The following FOXN3 variants were observed in gnomAD, a reference collection of about 807,000 sequenced individuals.
FOXN3 encodes forkhead box protein N3.
Under a neutral mutation model 38.4 loss-of-function variants are expected in FOXN3, and 7 were observed. That is an observed-to-expected ratio of 0.18 (90% CI 0.10 to 0.34). FOXN3 has a LOEUF of 0.34. Among genes scored for constraint, FOXN3 ranks in the 10% least tolerant of loss-of-function variants. The probability of loss-of-function intolerance (pLI) is 1.00; values close to 1 mark genes in which losing one functional copy is unlikely to be tolerated. For synonymous variants in FOXN3, 230 were observed against 242.2 expected (o/e 0.95, Z 0.47); for missense variants, 456 against 613.4 (o/e 0.74, Z 2.71).
intron 4 of FOXN3, among the ~76,000 whole-genome samples, chr14:89,191,964 ACATATATAT>A (rs1161395864): frequency 7.0e-5 from 5 of 71,834 alleles, no homozygotes; most frequent in African/African-American, 4.1e-4. Context: ...ATATATATAC[ACATATATAT>A]AACTATAATA....
intron 4 of FOXN3, among the ~76,000 whole-genome samples, chr14:89,235,612 G>C (rs1371832054): frequency 6.6e-6 from 1 of 152,214 alleles, no homozygotes; most frequent in Non-Finnish European, 1.5e-5. Flanking sequence ...TCATGGCACA[G>C]GGGAATTAAG....
At chr14:89,509,379 G>T (rs1894012779) in intron 1 of FOXN3, among the ~76,000 whole-genome samples, 1 of 152,164 alleles carries the variant, frequency 6.6e-6, no homozygotes. Context: ...CTATTGCCCA[G>T]GCTGGAGTGC....
intron 1 of FOXN3, among the ~76,000 whole-genome samples, chr14:89,490,334 T>C (rs961159382): frequency 1.3e-5 from 2 of 152,164 alleles, no homozygotes; most frequent in South Asian, 2.1e-4. Context: ...GGTGAACGGA[T>C]TGTTGTTGGA....
intron 3 of FOXN3, among the ~76,000 whole-genome samples, chr14:89,336,250 T>TCCATCCATC (rs1566960019): frequency 8.7e-3 from 58 of 6,694 alleles, no homozygotes; most frequent in Admixed American, 0.044. Flanking sequence ...ATCCATCCAT[T>TCCATCCATC]CATCCATCCA....
At chr14:89,526,678 T>G (rs2139829283) in intron 1 of FOXN3, among the ~76,000 whole-genome samples, 1 of 152,312 alleles carries the variant, frequency 6.6e-6, no homozygotes, top group Middle Eastern at 3.4e-3. Flanking sequence ...TCCCTCAAAT[T>G]GATCTAAAGA....
chr14:89,426,092 A>C (rs979555480), intron 1 of FOXN3, among the ~76,000 whole-genome samples: 1 of 152,048 alleles, frequency 6.6e-6, no homozygotes, highest in Non-Finnish European at 1.5e-5. Context: ...CACAAAAAGG[A>C]CACTTGGAAA....
chr14:89,221,558 G>C (rs1377150357), intron 4 of FOXN3, among the ~76,000 whole-genome samples: 3 of 152,150 alleles, frequency 2.0e-5, no homozygotes, highest in Admixed American at 2.0e-4. Context: ...TAACCAAACT[G>C]TATTATTCTG....
chr14:89,502,422 T>C (rs929647889), intron 1 of FOXN3, among the ~76,000 whole-genome samples: 3 of 152,244 alleles, frequency 2.0e-5, no homozygotes, highest in African/African-American at 2.4e-5. Flanking sequence ...AGCAGGTACA[T>C]GGGTATTTTA....
intron 4 of FOXN3, among the ~76,000 whole-genome samples, chr14:89,268,617 C>T (rs569197549): frequency 1.3e-5 from 2 of 152,294 alleles, no homozygotes; most frequent in South Asian, 2.1e-4. Context: ...GGTGCCATTT[C>T]CCGTACCCCA....
chr14:89,507,250 G>A (rs1243590507), intron 1 of FOXN3, among the ~76,000 whole-genome samples: 1 of 152,198 alleles, frequency 6.6e-6, no homozygotes, highest in African/African-American at 2.4e-5. Flanking sequence ...CATAATGGCA[G>A]AGACCTGAAA....
chr14:89,496,505 G>C (rs747269705), intron 1 of FOXN3, among the ~76,000 whole-genome samples: 2 of 151,998 alleles, frequency 1.3e-5, no homozygotes, highest in Non-Finnish European at 2.9e-5. Context: ...AAGATACCTG[G>C]GGGGGTCCTT....
At chr14:89,366,761 C>G (rs1890171465) in intron 2 of FOXN3, among the ~76,000 whole-genome samples, 1 of 152,164 alleles carries the variant, frequency 6.6e-6, no homozygotes, top group African/African-American at 2.4e-5. Flanking sequence ...GATTTCCATG[C>G]TGCACACAGT....
At chr14:89,229,761 G>A (rs1884751937) in intron 4 of FOXN3, among the ~76,000 whole-genome samples, 2 of 152,166 alleles carry the variant, frequency 1.3e-5, no homozygotes, top group Admixed American at 1.3e-4. Flanking sequence ...GACACTCGCT[G>A]AGGCCAATAA....
chr14:89,614,820 A>T (rs1011244155), intron 1 of FOXN3, among the ~76,000 whole-genome samples: 1 of 152,246 alleles, frequency 6.6e-6, no homozygotes, highest in Non-Finnish European at 1.5e-5. Context: ...GATGTCTATG[A>T]AAATGTGTGC....
At chr14:89,334,307 C>A (rs1388634415) in intron 3 of FOXN3, among the ~76,000 whole-genome samples, 1 of 151,078 alleles carries the variant, frequency 6.6e-6, no homozygotes, top group Non-Finnish European at 1.5e-5. Context: ...TAAAAACTTG[C>A]AGTTATAAAA....
At chr14:89,588,246 C>G (rs1895884283) in intron 1 of FOXN3, among the ~76,000 whole-genome samples, 1 of 152,046 alleles carries the variant, frequency 6.6e-6, no homozygotes, top group Non-Finnish European at 1.5e-5. Context: ...TTTCCTGAAG[C>G]CTCCCCAGAA....
At chr14:89,407,500 C>A (rs142361713) in intron 2 of FOXN3, among the ~76,000 whole-genome samples, 1 of 152,158 alleles carries the variant, frequency 6.6e-6, no homozygotes, top group Non-Finnish European at 1.5e-5. Flanking sequence ...CTTATGTATA[C>A]CGAAATGTTT....
chr14:89,305,115 G>C (rs1354833080), intron 3 of FOXN3, among the ~76,000 whole-genome samples: 1 of 152,178 alleles, frequency 6.6e-6, no homozygotes, highest in South Asian at 2.1e-4. Context: ...GAGGGGACGA[G>C]AGGAAGGCCT....
At chr14:89,309,635 C>T (rs539842122) in intron 3 of FOXN3, among the ~76,000 whole-genome samples, 7 of 152,294 alleles carry the variant, frequency 4.6e-5, no homozygotes, top group African/African-American at 1.7e-4. Context: ...AGTCTGCTCT[C>T]TGCCCTCTGG....
Sources: allele counts gnomAD v4.1 joint callset (sites outside exome capture counted in the v4.1 genomes callset), GRCh38; gene constraint gnomAD v4.1.1; transcripts MANE v1.5; gene names NCBI Gene and HGNC (gene_info 2026-07-23, HGNC 2026-07-21).